The following LRRTM4 variants were observed in gnomAD, a reference collection of about 807,000 sequenced individuals.
LRRTM4 encodes leucine-rich repeat transmembrane neuronal protein 4.
LRRTM4 carries 25 observed loss-of-function variants against 47.6 expected under a neutral mutation model. That is an observed-to-expected ratio of 0.53 (90% CI 0.38 to 0.73). The LOEUF is 0.73. Ranked by LOEUF, LRRTM4 falls within the 30% of genes least tolerant of loss-of-function variation. The probability of loss-of-function intolerance (pLI) is 0.00; values close to 1 mark genes in which losing one functional copy is unlikely to be tolerated. For synonymous variants in LRRTM4, 311 were observed against 269.5 expected (o/e 1.15, Z -1.51); for missense variants, 638 against 713.4 (o/e 0.89, Z 1.20).
chr2:76,997,903 G>A (rs10183312), intron 3 of LRRTM4, among the ~76,000 whole-genome samples: 30,573 of 151,610 alleles, frequency 0.2, 3,239 homozygotes, highest in African/African-American at 0.25. Flanking sequence ...TGTGAACTGC[G>A]CATGTGAGGG....
intron 3 of LRRTM4, among the ~76,000 whole-genome samples, chr2:77,438,556 G>A (rs951038618): frequency 3.3e-5 from 5 of 151,748 alleles, no homozygotes; most frequent in East Asian, 1.9e-4. Context: ...ACAGGCGCCT[G>A]CCACCACTCC....
chr2:77,008,177 A>G (rs1291825762), intron 3 of LRRTM4, among the ~76,000 whole-genome samples: 1 of 152,214 alleles, frequency 6.6e-6, no homozygotes, highest in African/African-American at 2.4e-5. Context: ...TGGTATTAGC[A>G]TATATTATTC....
chr2:76,857,911 T>A (rs1672201991), intron 3 of LRRTM4, among the ~76,000 whole-genome samples: 1 of 152,090 alleles, frequency 6.6e-6, no homozygotes, highest in South Asian at 2.1e-4. Flanking sequence ...AAATATGAGA[T>A]CTAAGTGAGC....
chr2:77,007,874 G>A (rs1414632257), intron 3 of LRRTM4, among the ~76,000 whole-genome samples: 1 of 152,098 alleles, frequency 6.6e-6, no homozygotes, highest in African/African-American at 2.4e-5. Context: ...CAAAAGACAT[G>A]GCAAAGGTTA....
intron 3 of LRRTM4, among the ~76,000 whole-genome samples, chr2:77,503,474 T>C (rs987162035): frequency 5.9e-5 from 9 of 151,742 alleles, no homozygotes; most frequent in African/African-American, 1.9e-4. Context: ...ATGTCTCAGA[T>C]ATCTGAATTC....
At chr2:76,871,875 C>T (rs543677253) in intron 3 of LRRTM4, among the ~76,000 whole-genome samples, 1 of 152,196 alleles carries the variant, frequency 6.6e-6, no homozygotes, top group African/African-American at 2.4e-5. Flanking sequence ...GGCCCCAAGT[C>T]ACATGGCCTG....
chr2:76,832,297 G>T (rs1278487112), intron 3 of LRRTM4, among the ~76,000 whole-genome samples: 1 of 151,906 alleles, frequency 6.6e-6, no homozygotes, highest in East Asian at 1.9e-4. Context: ...TATAAAGCAG[G>T]TGCCTTTCAC....
chr2:77,407,720 A>ATATTATATATTATATAAT lies in LRRTM4; in HGVS notation c.1551+110597_1551+110598insATTATATAATATATAATA, dbSNP rs1553440394. Among the ~76,000 whole-genome samples, 183 of 115,580 alleles carry ATATTATATATTATATAAT rather than the reference A, an allele frequency of 1.6e-3. 1 individual carries two copies. The highest frequency in any genetic ancestry group is 0.013 in the South Asian group (52 of 3,864). The allele number at this position is 115,580 out of a possible 152,430, so 75.8% of individuals were successfully genotyped here. ...TGATATATATAATATATCATATATTATATTATATATTATATATTATATTCT... is the reference window on the plus strand; with the variant it reads ...TGATATATATAATATATCATATATTATATTATATATTATATAATTATTATATATTATATATTATATTCT... On this transcript the variant is annotated intron_variant, in intron 3 of 3. Transcript: ENST00000409884.
intron 3 of LRRTM4, among the ~76,000 whole-genome samples, chr2:77,103,568 C>T (rs1311363511): frequency 6.6e-6 from 1 of 150,902 alleles, no homozygotes; most frequent in Non-Finnish European, 1.5e-5. Context: ...AATAAATTTG[C>T]AATGTGAAAA....
intron 3 of LRRTM4, among the ~76,000 whole-genome samples, chr2:76,804,829 TCTCAAACTGCTCAAAG>T (rs1309309937): frequency 5.3e-5 from 8 of 151,092 alleles, no homozygotes; most frequent in Non-Finnish European, 1.0e-4. Context: ...GACAAGCACT[TCTCAAACTGCTCAAAG>T]TTTGATTTGT....
intron 3 of LRRTM4, among the ~76,000 whole-genome samples, chr2:77,338,018 C>T (rs1671227407): frequency 6.6e-6 from 1 of 152,012 alleles, no homozygotes; most frequent in Non-Finnish European, 1.5e-5. Flanking sequence ...ATAAATAATG[C>T]TGGAATAACT....
chr2:77,181,618 A>G (rs144619200), intron 3 of LRRTM4, among the ~76,000 whole-genome samples: 1 of 152,328 alleles, frequency 6.6e-6, no homozygotes, highest in East Asian at 1.9e-4. Context: ...GTTTTCAAAA[A>G]TGAAGTGGTA....
intron 3 of LRRTM4, among the ~76,000 whole-genome samples, chr2:77,313,271 T>A (rs1677513305): frequency 6.7e-6 from 1 of 149,852 alleles, no homozygotes; most frequent in Non-Finnish European, 1.5e-5. Flanking sequence ...TGAGGCCTGT[T>A]GCTGGGATGT....
At chr2:76,896,603 G>T (rs560983154) in intron 3 of LRRTM4, among the ~76,000 whole-genome samples, 2 of 151,990 alleles carry the variant, frequency 1.3e-5, no homozygotes, top group Non-Finnish European at 2.9e-5. Flanking sequence ...CTTGTCAATT[G>T]TTTAGAGAGT....
intron 3 of LRRTM4, among the ~76,000 whole-genome samples, chr2:76,805,150 T>C (rs951874761): frequency 7.2e-5 from 11 of 152,082 alleles, no homozygotes; most frequent in African/African-American, 2.7e-4. Flanking sequence ...AACCTCTTTG[T>C]TTAGAGGTTG....
chr2:76,999,438 A>G (rs2104017995), intron 3 of LRRTM4, among the ~76,000 whole-genome samples: 1 of 142,278 alleles, frequency 7.0e-6, no homozygotes, highest in African/African-American at 2.8e-5. Flanking sequence ...AAAACACAAA[A>G]GGAAACAAAA....
chr2:76,927,561 T>G lies in LRRTM4; in HGVS notation c.1552-178645A>C, dbSNP rs1674627516. Among the ~76,000 whole-genome samples the G allele has an allele frequency of 1.3e-5, 2 of 152,244 alleles. 1 individual carries two copies. Among genetic ancestry groups the G allele is most frequent in the South Asian group, 4.1e-4 (2 of 4,832 alleles). ...CCTATTGTTAGTTTTCCAAAAGTCA[T>G]GTATGTAAAAAAGCCAATACCTTTC... On this transcript the variant is annotated intron_variant, in intron 3 of 3. Coordinates refer to ENST00000409884, the MANE Select transcript of LRRTM4 (RefSeq NM_001134745.3).
chr2:77,068,213 A>G (rs533931404), intron 3 of LRRTM4, among the ~76,000 whole-genome samples: 1 of 152,316 alleles, frequency 6.6e-6, no homozygotes, highest in Non-Finnish European at 1.5e-5. Context: ...TCCTAAAAAA[A>G]TCTGCCTATT....
At chr2:76,805,622 T>C (rs1299862578) in intron 3 of LRRTM4, among the ~76,000 whole-genome samples, 4 of 152,178 alleles carry the variant, frequency 2.6e-5, no homozygotes, top group Non-Finnish European at 4.4e-5. Flanking sequence ...AATTAATGTT[T>C]TTAGGGCAAT....
Sources: allele counts gnomAD v4.1 joint callset (sites outside exome capture counted in the v4.1 genomes callset), GRCh38; gene constraint gnomAD v4.1.1; transcripts MANE v1.5; gene names NCBI Gene and HGNC (gene_info 2026-07-23, HGNC 2026-07-21).